The following MGAT5 variants were observed in gnomAD, a reference collection of about 807,000 sequenced individuals.
MGAT5 encodes the protein alpha-1,6-mannosylglycoprotein 6-beta-N-acetylglucosaminyltransferase, also known as alpha-1,6-mannosylglycoprotein 6-beta-N-acetylglucosaminyltransferase A.
A neutral mutation model predicts 94.3 loss-of-function variants in MGAT5; 30 were observed. The observed-to-expected ratio is 0.32, with a 90% CI of 0.24 to 0.43. MGAT5 has a LOEUF of 0.43. Among genes scored for constraint, MGAT5 ranks in the 20% least tolerant of loss-of-function variants. The pLI is 1.00. For synonymous variants in MGAT5, 310 were observed against 322.9 expected (o/e 0.96, Z 0.43); for missense variants, 691 against 905.5 (o/e 0.76, Z 3.04).
chr2:134,224,629 G>A (rs1352745953), intron 1 of MGAT5, among the ~76,000 whole-genome samples: 1 of 152,182 alleles, frequency 6.6e-6, no homozygotes, highest in African/African-American at 2.4e-5. Context: ...GGCACTTGGA[G>A]TTACACCAGT....
intron 10 of MGAT5, among the ~76,000 whole-genome samples, chr2:134,364,444 G>A (rs1276669906): frequency 3.3e-5 from 5 of 152,076 alleles, no homozygotes; most frequent in African/African-American, 1.2e-4. Flanking sequence ...ATGTTGCAGT[G>A]AGCTGAGACC....
intron 1 of MGAT5, among the ~76,000 whole-genome samples, chr2:134,161,244 C>T (rs1687718285): frequency 6.6e-6 from 1 of 152,200 alleles, no homozygotes; most frequent in South Asian, 2.1e-4. Context: ...CTGAGCAGGA[C>T]CCGGGGAAGA....
chr2:134,329,747 A>C (rs1687850968), intron 4 of MGAT5, among the ~76,000 whole-genome samples: 1 of 152,084 alleles, frequency 6.6e-6, no homozygotes, highest in Non-Finnish European at 1.5e-5. Flanking sequence ...CTTGGCTCCT[A>C]GTACATCGCA....
intron 10 of MGAT5, among the ~76,000 whole-genome samples, chr2:134,395,259 G>A (rs1158220471): frequency 2.0e-5 from 3 of 152,226 alleles, no homozygotes. Context: ...AGGAGGTCAT[G>A]CCAAAGGGTT....
chr2:134,306,760 A>G (rs868756617), intron 2 of MGAT5, among the ~76,000 whole-genome samples: 10 of 152,182 alleles, frequency 6.6e-5, no homozygotes, highest in Admixed American at 1.3e-4. Context: ...CTGAAGGTTA[A>G]GTAACCTGCT....
At chr2:134,148,553 C>G (rs1429115676) in intron 1 of MGAT5, among the ~76,000 whole-genome samples, 1 of 152,200 alleles carries the variant, frequency 6.6e-6, no homozygotes, top group Non-Finnish European at 1.5e-5. Flanking sequence ...GAGAGCATGG[C>G]TCTCTCACCT....
chr2:134,223,282 G>T (rs377516704), intron 1 of MGAT5, among the ~76,000 whole-genome samples: 2 of 151,856 alleles, frequency 1.3e-5, no homozygotes, highest in Non-Finnish European at 2.9e-5. Context: ...ACAATCTTAC[G>T]TACCCACCTT....
Position 134,254,667 on chromosome 2 carries a change from C to T in MGAT5, c.241+23C>T, listed in dbSNP as rs370766400. ...ATGGTAAGCACTGTTTCTGGGACCT[C>T]TCCATTAAAGTGTGCCTTGGCCTTG... On this transcript the variant is annotated intron_variant, in intron 1 of 15. Coordinates refer to ENST00000281923, the MANE Select transcript of MGAT5 (RefSeq NM_002410.5). 4 of 1,613,326 alleles carry T rather than the reference C, an allele frequency of 2.5e-6. No homozygotes were observed. The African/African-American group carries it at 4.0e-5, about 16-fold the overall frequency.
At chr2:134,131,450 A>G (rs1686160185) in intron 1 of MGAT5, among the ~76,000 whole-genome samples, 1 of 152,238 alleles carries the variant, frequency 6.6e-6, no homozygotes, top group African/African-American at 2.4e-5. Flanking sequence ...TTTCTGCCTT[A>G]CAAGCGATAA....
intron 1 of MGAT5, among the ~76,000 whole-genome samples, chr2:134,221,471 GAGAA>G (rs1680766385): frequency 6.6e-6 from 1 of 152,156 alleles, no homozygotes; most frequent in African/African-American, 2.4e-5. Flanking sequence ...GAGAGAGAGA[GAGAA>G]AGAGAGAGCA....
chr2:134,321,531 GGGGAA>G, intron 4 of MGAT5, among the ~76,000 whole-genome samples: 1 of 152,162 alleles, frequency 6.6e-6, no homozygotes, highest in Non-Finnish European at 1.5e-5. Context: ...GTGAGGTTCT[GGGGAA>G]GGGAAGTAGA....
rs58666142 is a variant in MGAT5 at position 134,450,783 on chromosome 2, AGTGTGTGTGTGTGTGTGTGTGT to A, written c.*1963_*1984del. 1.1e-3 allele frequency: 155 copies of A among 137,388 alleles called. 1 individual carries two copies. The highest frequency in any genetic ancestry group is 3.6e-3 in the African/African-American group (139 of 38,176). The allele number at this position is 137,388 out of a possible 1,614,324, so 8.5% of individuals were successfully genotyped here. ...AGTCCAAAGGAAACCTTGGTGAGTG[AGTGTGTGTGTGTGTGTGTGTGT>A]GTGTGTGTGTGTGTGTGTGTGTGTG... On this transcript the variant is annotated 3_prime_UTR_variant, in exon 16 of 16. Transcript: ENST00000281923.
intron 12 of MGAT5, among the ~76,000 whole-genome samples, chr2:134,414,220 T>C (rs936423076): frequency 1.3e-5 from 2 of 151,444 alleles, no homozygotes; most frequent in African/African-American, 4.8e-5. Context: ...TGGGGAGTGG[T>C]TTTGTATTAA....
At chr2:134,245,239 C>T (rs1682182645) in intron 1 of MGAT5, among the ~76,000 whole-genome samples, 1 of 152,190 alleles carries the variant, frequency 6.6e-6, no homozygotes, top group Non-Finnish European at 1.5e-5. Context: ...GTCTCGACCT[C>T]CCAACCTCGT....
intron 1 of MGAT5, among the ~76,000 whole-genome samples, chr2:134,187,503 T>G (rs1039846263): frequency 6.6e-6 from 1 of 152,260 alleles, no homozygotes; most frequent in Admixed American, 6.5e-5. Flanking sequence ...TGTCTTTTAC[T>G]TCCCCCAGAT....
intron 1 of MGAT5, among the ~76,000 whole-genome samples, chr2:134,162,388 G>A (rs10928483): frequency 0.16 from 24,875 of 152,026 alleles, 2,276 homozygotes; most frequent in South Asian, 0.23. Context: ...AGGCAAGCAA[G>A]GAGTCCAAAG....
intron 2 of MGAT5, among the ~76,000 whole-genome samples, chr2:134,296,059 T>C (rs1685654637): frequency 6.6e-6 from 1 of 152,160 alleles, no homozygotes; most frequent in African/African-American, 2.4e-5. Flanking sequence ...GAATTTTGAC[T>C]CTTGAAATAC....
intron 1 of MGAT5, among the ~76,000 whole-genome samples, chr2:134,167,398 G>A (rs1027348302): frequency 6.6e-6 from 1 of 152,210 alleles, no homozygotes; most frequent in Non-Finnish European, 1.5e-5. Context: ...GTTGGCAGTG[G>A]TTCTCCAACT....
intron 1 of MGAT5, among the ~76,000 whole-genome samples, chr2:134,146,007 C>T (rs1686900552): frequency 6.6e-6 from 1 of 152,150 alleles, no homozygotes; most frequent in African/African-American, 2.4e-5. Flanking sequence ...TTAGCCTGGT[C>T]TTTTCTCTGT....
Sources: allele counts gnomAD v4.1 joint callset (sites outside exome capture counted in the v4.1 genomes callset), GRCh38; gene constraint gnomAD v4.1.1; transcripts MANE v1.5; gene names NCBI Gene and HGNC (gene_info 2026-07-23, HGNC 2026-07-21).